Variants in SNCB observed in about 807,000 individuals in gnomAD.
The protein encoded by SNCB is synuclein beta.
Under a neutral mutation model 20.0 loss-of-function variants are expected in SNCB, and 8 were observed. That is an observed-to-expected ratio of 0.40 (90% CI 0.24 to 0.72). The LOEUF (loss-of-function observed/expected upper bound fraction) is 0.72. Ranked by LOEUF, SNCB falls within the 30% of genes least tolerant of loss-of-function variation. The pLI is 0.37. For synonymous variants in SNCB, 56 were observed against 65.4 expected, an observed-to-expected ratio of 0.86 and a Z score of 0.69; for missense variants, 125 against 168.0, an observed-to-expected ratio of 0.74 and a Z score of 1.41.
intron 4 of SNCB, among the ~76,000 whole-genome samples, chr5:176,622,507 C>T (rs1759664727): frequency 6.6e-6 from 1 of 151,942 alleles, no homozygotes; most frequent in Admixed American, 6.6e-5. Context: ...CAAAACAAAA[C>T]AAAACAAAAC....
intron 4 of SNCB, among the ~76,000 whole-genome samples, chr5:176,623,379 T>C (rs1375956570): frequency 1.3e-5 from 2 of 151,378 alleles, no homozygotes; most frequent in Non-Finnish European, 2.9e-5. Context: ...AGGGCGAGAC[T>C]CCGTCTAAAA....
chr5:176,629,724 C>T lies in SNCB; in HGVS notation c.-9-61G>A, dbSNP rs1201079887. 53 of 1,572,348 alleles carry T rather than the reference C, an allele frequency of 3.4e-5. No individual in the cohort carries two copies. The highest frequency in any genetic ancestry group is 4.3e-5 in the Non-Finnish European group (50 of 1,155,860). ...CCCCGCACTCTCACCCCAGCCCCTC[C>T]CGCGGGACGCAGATGCCCCCCTACT... On this transcript the variant is annotated intron_variant, in intron 1 of 5. Coordinates refer to ENST00000393693, the MANE Select transcript of SNCB (RefSeq NM_003085.5). This position sits in a 1 kb window ranked among gnomAD's most constrained non-coding sequence, Gnocchi z 4.1.
In SNCB at chr5:176,620,606, T is replaced by C. The variant is rs1759517731; in HGVS notation, c.*205A>G. On this transcript the variant is annotated 3_prime_UTR_variant, in exon 6 of 6. Coordinates refer to ENST00000393693, the MANE Select transcript of SNCB (RefSeq NM_003085.5). This position sits in a 1 kb window ranked among gnomAD's most constrained non-coding sequence, Gnocchi z 4.5. ...AGGCTCCCAGCCGCGACCGCAACCCTGGCCCTGTCCATGCCCCGGGGTTGG... is the reference window on the plus strand; with the variant it reads ...AGGCTCCCAGCCGCGACCGCAACCCCGGCCCTGTCCATGCCCCGGGGTTGG... The C allele has an allele frequency of 1.6e-6, 1 of 610,460 alleles. No homozygotes were observed. The highest frequency in any genetic ancestry group is 1.9e-5 in the South Asian group (1 of 51,526). 37.8% of individuals were successfully genotyped at this position (610,460 alleles called of 1,614,324 possible). A position where few individuals can be genotyped will look rare whatever the true frequency, so the allele number is the denominator to read the frequency against.
At position 176,626,677 on chromosome 5, in the gene SNCB, C is replaced by G. The variant is rs185668124; in HGVS notation, c.163+43G>C. On this transcript the variant is annotated intron_variant, in intron 3 of 5. Transcript: ENST00000393693. This position sits in a 1 kb window ranked among gnomAD's most constrained non-coding sequence, Gnocchi z 4.2. ...CCCTCTGGTTCCCGGCCAGATCATC[C>G]GCCTAAGTGAGAGAAGGGCTGGTGC... 1.4e-5 allele frequency: 22 copies of G among 1,609,932 alleles called. No homozygotes were observed. The Admixed American group carries it at 3.5e-4, about 26-fold the overall frequency.
At chr5:176,622,732 CTTTTTTTTTTT>C (rs149031370) in intron 4 of SNCB, among the ~76,000 whole-genome samples, 2 of 93,556 alleles carry the variant, frequency 2.1e-5, no homozygotes, top group African/African-American at 8.8e-5. Context: ...TTCATGATGA[CTTTTTTTTTTT>C]TTTTTTTTTT....
Position 176,629,351 on chromosome 5 carries a change from T to G in SNCB, c.121+183A>C. 1 of 640,902 alleles carries G rather than the reference T, an allele frequency of 1.6e-6. No homozygotes were observed. The allele number at this position is 640,902 out of a possible 1,614,324, so 39.7% of individuals were successfully genotyped here. On this transcript the variant is annotated intron_variant, in intron 2 of 5. Coordinates refer to ENST00000393693, the MANE Select transcript of SNCB (RefSeq NM_003085.5). This position sits in a 1 kb window ranked among gnomAD's most constrained non-coding sequence, Gnocchi z 4.1. ...CTCATCAGCCCGCCCCGTGTCCCCA[T>G]TTCCGGATACAGACCCAGGCTTCTA...
chr5:176,629,499 G>C lies in SNCB; in HGVS notation c.121+35C>G. 1 of 1,605,706 alleles carries C rather than the reference G, an allele frequency of 6.2e-7. No individual in the cohort carries two copies. Among genetic ancestry groups the C allele is most frequent in the Non-Finnish European group, 8.5e-7 (1 of 1,175,542 alleles). On this transcript the variant is annotated intron_variant, in intron 2 of 5. Coordinates refer to ENST00000393693, the MANE Select transcript of SNCB (RefSeq NM_003085.5). This position sits in a 1 kb window ranked among gnomAD's most constrained non-coding sequence, Gnocchi z 4.1. Reference sequence around the variant, plus strand: ...GCTCCACACTGTCGGGGGACCCCCAGCCCTGCAGCCCCAGAAACCCCGCCC... The same window carrying C: ...GCTCCACACTGTCGGGGGACCCCCACCCCTGCAGCCCCAGAAACCCCGCCC...
chr5:176,629,565 C>T lies in SNCB; in HGVS notation c.90G>A (p.Ala30=), dbSNP rs369910563. 3 of 1,611,460 alleles carry T rather than the reference C, an allele frequency of 1.9e-6. No individual in the cohort carries two copies. The highest frequency in any genetic ancestry group is 1.7e-6 in the Non-Finnish European group (2 of 1,178,186). ...AGAGGACGCCCTCCTTGGTCTTCTCCGCCGCCTCGGTGACCCCCTGCTTGG... is the reference window on the plus strand; with the variant it reads ...AGAGGACGCCCTCCTTGGTCTTCTCTGCCGCCTCGGTGACCCCCTGCTTGG... ...EKTKQGVTEA[A]EKTKEGVLYV... is the part of the protein sequence containing the mutation. Residue 30 remains alanine (A), a synonymous_variant, in exon 2 of 6, where the codon GCG becomes GCA. Coordinates refer to ENST00000393693, the MANE Select transcript of SNCB (RefSeq NM_003085.5). The surrounding 1 kb of genome is among the most constrained non-coding windows in gnomAD (Gnocchi z 4.1).
chr5:176,629,920 C>G lies in SNCB; in HGVS notation c.-9-257G>C. ...TATCCGGGCCCTGCAAACTGCAGCCCCGTCGAACCGGAGTGCTGGGTTCGG... is the reference window on the plus strand; with the variant it reads ...TATCCGGGCCCTGCAAACTGCAGCCGCGTCGAACCGGAGTGCTGGGTTCGG... On this transcript the variant is annotated intron_variant, in intron 1 of 5. Transcript: ENST00000393693. The surrounding 1 kb of genome is among the most constrained non-coding windows in gnomAD (Gnocchi z 4.1). 2.2e-6 allele frequency: 1 copy of G among 452,284 alleles called. No homozygotes were observed. 28.0% of individuals were successfully genotyped at this position (452,284 alleles called of 1,614,324 possible).
In SNCB at chr5:176,624,626, C is replaced by A. The variant is rs184030166; in HGVS notation, c.282+1772G>T. On this transcript the variant is annotated intron_variant, in intron 4 of 5. Transcript: ENST00000393693. Reference sequence around the variant, plus strand: ...GACCAGCCTGGCCAACATGGTGAAACCCCGTCTCTACTAAAAATACAAAAA... The same window carrying A: ...GACCAGCCTGGCCAACATGGTGAAAACCCGTCTCTACTAAAAATACAAAAA... 2.8e-3 allele frequency among the ~76,000 whole-genome samples: 430 copies of A among 151,984 alleles called. 6 individuals carry two copies. The highest frequency in any genetic ancestry group is 0.026 in the Admixed American group (394 of 15,264).
chr5:176,624,346 C>G (rs1467151237), intron 4 of SNCB, among the ~76,000 whole-genome samples: 1 of 152,232 alleles, frequency 6.6e-6, no homozygotes, highest in Non-Finnish European at 1.5e-5. Context: ...GACTTCACTT[C>G]TCTAAACCTC....
Position 176,621,099 on chromosome 5 carries a change from G to T in SNCB, c.372+115C>A. 2.3e-6 allele frequency: 2 copies of T among 886,224 alleles called. No individual in the cohort carries two copies. Among genetic ancestry groups the T allele is most frequent in the Non-Finnish European group, 3.7e-6 (2 of 543,454 alleles). 54.9% of individuals were successfully genotyped at this position (886,224 alleles called of 1,614,324 possible). A position where few individuals can be genotyped will look rare whatever the true frequency, so the allele number is the denominator to read the frequency against. On this transcript the variant is annotated intron_variant, in intron 5 of 5. Coordinates refer to ENST00000393693, the MANE Select transcript of SNCB (RefSeq NM_003085.5). The surrounding 1 kb of genome is among the most constrained non-coding windows in gnomAD (Gnocchi z 4.1). ...TCCTGGGGCCTGGGTTCTAGAAGAGGGATGTCAAGCTCCCTGGCCCAACCA... is the reference window on the plus strand; with the variant it reads ...TCCTGGGGCCTGGGTTCTAGAAGAGTGATGTCAAGCTCCCTGGCCCAACCA...
Position 176,629,324 on chromosome 5 carries a change from A to C in SNCB, c.121+210T>G, listed in dbSNP as rs1302308975. 1.7e-6 allele frequency: 1 copy of C among 589,082 alleles called. No individual in the cohort carries two copies. Among genetic ancestry groups the C allele is most frequent in the South Asian group, 2.1e-5 (1 of 47,856 alleles). 36.5% of individuals were successfully genotyped at this position (589,082 alleles called of 1,614,324 possible). Reference sequence around the variant, plus strand: ...CCTGGCCTTTCAGCTGGAGCCCCCCACCTCATCAGCCCGCCCCGTGTCCCC... The same window carrying C: ...CCTGGCCTTTCAGCTGGAGCCCCCCCCCTCATCAGCCCGCCCCGTGTCCCC... On this transcript the variant is annotated intron_variant, in intron 2 of 5. Transcript: ENST00000393693. The surrounding 1 kb of genome is among the most constrained non-coding windows in gnomAD (Gnocchi z 4.1).
chr5:176,621,194 C>T lies in SNCB; in HGVS notation c.372+20G>A, dbSNP rs199955636. ...CATCCTGGATTCCCAAAGTCCCGCC[C>T]AGCCCTGCTGCCCCCTCACCTGGGG... On this transcript the variant is annotated intron_variant, in intron 5 of 5. Transcript: ENST00000393693. This position sits in a 1 kb window ranked among gnomAD's most constrained non-coding sequence, Gnocchi z 4.1. 8.2e-5 allele frequency: 131 copies of T among 1,592,174 alleles called. No individual in the cohort carries two copies. The highest frequency in any genetic ancestry group is 1.1e-4 in the Non-Finnish European group (124 of 1,163,126).
intron 4 of SNCB, among the ~76,000 whole-genome samples, chr5:176,624,070 C>T (rs1024138752): frequency 1.3e-5 from 2 of 152,224 alleles, no homozygotes; most frequent in Non-Finnish European, 2.9e-5. Flanking sequence ...TGTTATAACT[C>T]TATGATCTTG....
chr5:176,625,041 C>G (rs1448089684), intron 4 of SNCB, among the ~76,000 whole-genome samples: 1 of 152,180 alleles, frequency 6.6e-6, no homozygotes, highest in Non-Finnish European at 1.5e-5. Context: ...GCCCCCATCC[C>G]CATGGAGGCA....
In SNCB at chr5:176,626,650, C is replaced by A. The variant is rs116466336; in HGVS notation, c.163+70G>T. Reference sequence around the variant, plus strand: ...AAGCCTTGGGAGTCTCCCCCGCCCCCGCCCTCTGGTTCCCGGCCAGATCAT... The same window carrying A: ...AAGCCTTGGGAGTCTCCCCCGCCCCAGCCCTCTGGTTCCCGGCCAGATCAT... On this transcript the variant is annotated intron_variant, in intron 3 of 5. Coordinates refer to ENST00000393693, the MANE Select transcript of SNCB (RefSeq NM_003085.5). The surrounding 1 kb of genome is among the most constrained non-coding windows in gnomAD (Gnocchi z 4.2). The A allele has an allele frequency of 1.9e-6, 3 of 1,582,570 alleles. No individual in the cohort carries two copies. Among genetic ancestry groups the A allele is most frequent in the Non-Finnish European group, 2.6e-6 (3 of 1,151,392 alleles).
In SNCB at chr5:176,620,837, A is replaced by G. The variant is rs778862017; in HGVS notation, c.379T>C (p.Tyr127His). ...TACGCCTCTGGCTCATACTCCTGAT[A>G]TTCCTCCTGCATCACCGGGATGGGG... ...ESYEDPPQEE[Y>H]QEYEPEA Residue 127 changes from tyrosine (Y) to histidine (H), a missense_variant, in exon 6 of 6, where the codon TAT (tyrosine) becomes CAT (histidine). By Grantham distance (83) the Tyr-to-His change is moderately conservative. Transcript: ENST00000393693. The surrounding 1 kb of genome is among the most constrained non-coding windows in gnomAD (Gnocchi z 4.5). 2 of 1,613,754 alleles carry G rather than the reference A, an allele frequency of 1.2e-6. No homozygotes were observed. Among genetic ancestry groups the G allele is most frequent in the Non-Finnish European group, 1.7e-6 (2 of 1,179,800 alleles).
At chr5:176,624,746 G>A (rs1759824986) in intron 4 of SNCB, among the ~76,000 whole-genome samples, 1 of 142,996 alleles carries the variant, frequency 7.0e-6, no homozygotes, top group East Asian at 2.2e-4. Context: ...AGGTTGCAGT[G>A]AGCCAAGATC....
Sources: allele counts gnomAD v4.1 joint callset (sites outside exome capture counted in the v4.1 genomes callset), GRCh38; gene constraint gnomAD v4.1.1; non-coding constraint Gnocchi (gnomAD v3.1); transcripts MANE v1.5; gene names NCBI Gene and HGNC (gene_info 2026-07-23, HGNC 2026-07-21).